NYAP2: variants seen among roughly 807,000 people sequenced by gnomAD.
The protein encoded by NYAP2 is neuronal tyrosine-phosphorylated phosphoinositide-3-kinase adaptor 2, also known as neuronal tyrosine-phosphorylated phosphoinositide-3-kinase adapter 2.
A neutral mutation model predicts 50.4 loss-of-function variants in NYAP2; 23 were observed. The ratio of observed to expected loss-of-function variants is 0.46; its 90% CI spans 0.33 to 0.65. The LOEUF is 0.65. Ranked by LOEUF, NYAP2 falls within the 30% of genes least tolerant of loss-of-function variation. The pLI, the probability that NYAP2 is intolerant of heterozygous loss-of-function variation, is 0.02. For synonymous variants in NYAP2, 394 were observed against 365.2 expected (o/e 1.08, Z -0.90); for missense variants, 885 against 861.0 (o/e 1.03, Z -0.35).
intron 5 of NYAP2, among the ~76,000 whole-genome samples, chr2:225,599,614 G>A (rs1321469639): frequency 6.6e-6 from 1 of 152,204 alleles, no homozygotes; most frequent in Admixed American, 6.5e-5. Context: ...CCTTGACCTT[G>A]GAGACTTTTT....
At chr2:225,619,311 A>G (rs749763807) in intron 5 of NYAP2, among the ~76,000 whole-genome samples, 9 of 152,344 alleles carry the variant, frequency 5.9e-5, no homozygotes, top group Non-Finnish European at 7.3e-5. Context: ...TTTAGCTAGA[A>G]GAAGAGCAAG....
At chr2:225,547,461 T>C (rs962821077) in intron 4 of NYAP2, among the ~76,000 whole-genome samples, 1 of 152,230 alleles carries the variant, frequency 6.6e-6, no homozygotes, top group Non-Finnish European at 1.5e-5. Flanking sequence ...CGTTAGTCTG[T>C]AATGGTGAGG....
At chr2:225,543,513 C>G (rs972510801) in intron 4 of NYAP2, among the ~76,000 whole-genome samples, 2 of 151,990 alleles carry the variant, frequency 1.3e-5, no homozygotes, top group African/African-American at 4.8e-5. Context: ...CTTGGACCCA[C>G]TGGTCATTCA....
At chr2:225,638,989 TG>T (rs1352042690) in intron 6 of NYAP2, among the ~76,000 whole-genome samples, 21 of 152,156 alleles carry the variant, frequency 1.4e-4, no homozygotes, top group African/African-American at 3.4e-4. Context: ...TGTAAGTAAC[TG>T]GGCACTTAAG....
At chr2:225,652,115 A>T (rs1693742490) in exon 7 of NYAP2, 1 of 152,320 alleles carries the variant, frequency 6.6e-6, no homozygotes, top group Non-Finnish European at 1.5e-5. Flanking sequence ...ATGTCCTTAT[A>T]AATATTCATA....
At chr2:225,466,352 T>C (rs968644327) in intron 3 of NYAP2, among the ~76,000 whole-genome samples, 2 of 152,196 alleles carry the variant, frequency 1.3e-5, no homozygotes, top group Non-Finnish European at 2.9e-5. Flanking sequence ...AGATTTTTTT[T>C]CTTCAGGGTT....
chr2:225,422,954 A>G (rs549455420), intron 3 of NYAP2, among the ~76,000 whole-genome samples: 1 of 152,276 alleles, frequency 6.6e-6, no homozygotes, highest in South Asian at 2.1e-4. Context: ...AAGACACTAT[A>G]AAATATGGCT....
chr2:225,594,931 G>C (rs1692570815), intron 5 of NYAP2, among the ~76,000 whole-genome samples: 2 of 152,188 alleles, frequency 1.3e-5, no homozygotes, highest in South Asian at 2.1e-4. Context: ...AGGAATCTAA[G>C]AGGGAAGTAA....
At chr2:225,674,284 C>G in the NYAP2 span, among the ~76,000 whole-genome samples, 1 of 152,038 alleles carries the variant, frequency 6.6e-6, no homozygotes, top group Non-Finnish European at 1.5e-5. Flanking sequence ...AAAATGTGTT[C>G]TGACATGCTG....
At chr2:225,514,401 G>A (rs926676935) in intron 4 of NYAP2, among the ~76,000 whole-genome samples, 1 of 152,132 alleles carries the variant, frequency 6.6e-6, no homozygotes, top group Non-Finnish European at 1.5e-5. Context: ...GGTCATTTGG[G>A]GCTGCTATAA....
the NYAP2 span, among the ~76,000 whole-genome samples, chr2:225,662,530 A>G: frequency 6.6e-6 from 1 of 152,266 alleles, no homozygotes; most frequent in African/African-American, 2.4e-5. Context: ...CAGACACTTT[A>G]AAGTGGGAGG....
rs372002589 is a variant in NYAP2, at chr2:225,412,232, C to G, written c.221+3131C>G. Among the ~76,000 whole-genome samples the G allele has an allele frequency of 5.9e-5, 8 of 135,120 alleles. No homozygotes were observed. In the East Asian group the frequency reaches 8.8e-4, roughly 15 times the overall value. The allele number at this position is 135,120 out of a possible 152,430, so 88.6% of individuals were successfully genotyped here. ...TCAGCCTCCCAAAGTGCTGGGATTA[C>G]AGGCGTGAGCCACTGCGCCCGGCTT... On this transcript the variant is annotated intron_variant, in intron 3 of 6. Transcript: ENST00000636099.
chr2:225,415,606 G>A lies in NYAP2; in HGVS notation c.221+6505G>A, dbSNP rs543035660. On this transcript the variant is annotated intron_variant, in intron 3 of 6. Coordinates refer to ENST00000636099, the Ensembl canonical transcript of NYAP2. The stretch of plus-strand genomic sequence containing the variant: ...GTGCATTTTTGTGAATGATATACCC[G>A]CTCATTGCACCATGAATAGCTATTT... 2.6e-5 allele frequency among the ~76,000 whole-genome samples: 4 copies of A among 152,160 alleles called. 1 individual carries two copies. The highest frequency in any genetic ancestry group is 4.1e-4 in the South Asian group (2 of 4,826).
chr2:225,614,778 A>G (rs1423194908), intron 5 of NYAP2, among the ~76,000 whole-genome samples: 1 of 152,234 alleles, frequency 6.6e-6, no homozygotes, highest in Non-Finnish European at 1.5e-5. Context: ...TGAGTGCTAC[A>G]TGAATTTATA....
rs113451293 is a variant in NYAP2 at position 225,512,933 on chromosome 2, A to G, written c.222-438A>G. Among the ~76,000 whole-genome samples the G allele has an allele frequency of 4.9e-3, 708 of 143,876 alleles. 8 individuals carry two copies. Among genetic ancestry groups the G allele is most frequent in the Middle Eastern group, 0.029 (8 of 276 alleles). The allele number at this position is 143,876 out of a possible 152,430, so 94.4% of individuals were successfully genotyped here. A position where few individuals can be genotyped will look rare whatever the true frequency, so the allele number is the denominator to read the frequency against. On this transcript the variant is annotated intron_variant, in intron 3 of 6. Transcript: ENST00000636099. ...TTTCTTTTTCTTTCTTTCTTTCGTAACAGAACATTTATTATTGTTTTTTGT... is the reference window on the plus strand; with the variant it reads ...TTTCTTTTTCTTTCTTTCTTTCGTAGCAGAACATTTATTATTGTTTTTTGT...
chr2:225,540,442 G>A (rs947317402), intron 4 of NYAP2, among the ~76,000 whole-genome samples: 1 of 152,210 alleles, frequency 6.6e-6, no homozygotes, highest in Admixed American at 6.5e-5. Context: ...TGGCAGACAA[G>A]ACAAGAGAGC....
intron 3 of NYAP2, among the ~76,000 whole-genome samples, chr2:225,467,728 A>G (rs1021184095): frequency 6.6e-6 from 1 of 152,228 alleles, no homozygotes; most frequent in Non-Finnish European, 1.5e-5. Flanking sequence ...GGGTTAAAAT[A>G]ATGTCTTTCA....
chr2:225,646,709 G>A (rs1004425127), intron 6 of NYAP2, among the ~76,000 whole-genome samples: 5 of 152,188 alleles, frequency 3.3e-5, no homozygotes, highest in African/African-American at 1.2e-4. Flanking sequence ...TTCCATGCTG[G>A]TATCGAACAT....
At chr2:225,504,431 G>T (rs949792219) in intron 3 of NYAP2, among the ~76,000 whole-genome samples, 6 of 152,100 alleles carry the variant, frequency 3.9e-5, no homozygotes, top group Non-Finnish European at 7.4e-5. Flanking sequence ...TTTGGGGTGG[G>T]GGAGCAGGGG....
Sources: gnomAD v4.1 joint callset for allele counts (sites outside exome capture counted in the v4.1 genomes callset) on GRCh38, gnomAD v4.1.1 for gene constraint, MANE v1.5 for transcripts, NCBI Gene and HGNC (gene_info 2026-07-23, HGNC 2026-07-21) for gene names.